The following RNF144A variants were observed in gnomAD, a reference collection of about 807,000 sequenced individuals.
RNF144A encodes ring finger protein 144A.
RNF144A carries 11 observed loss-of-function variants against 38.7 expected under a neutral mutation model. The ratio of observed to expected loss-of-function variants is 0.28; its 90% CI spans 0.18 to 0.47. The LOEUF (loss-of-function observed/expected upper bound fraction) is 0.47, where lower values mean the gene tolerates loss of function less well. Among genes scored for constraint, RNF144A ranks in the 20% least tolerant of loss-of-function variants. The pLI is 0.99. For synonymous variants in RNF144A, 149 were observed against 143.9 expected (o/e 1.04, Z -0.25); for missense variants, 316 against 377.2 (o/e 0.84, Z 1.34).
chr2:7,012,337 C>T (rs775060295), intron 3 of RNF144A, among the ~76,000 whole-genome samples: 3 of 152,262 alleles, frequency 2.0e-5, no homozygotes, highest in Admixed American at 6.5e-5. Flanking sequence ...GTCACAACAG[C>T]GCAGGAAGAT....
chr2:6,963,901 T>C (rs1667491313), intron 2 of RNF144A, among the ~76,000 whole-genome samples: 1 of 152,134 alleles, frequency 6.6e-6, no homozygotes, highest in African/African-American at 2.4e-5. Flanking sequence ...GCCATCCTTC[T>C]GGCAGCTGTG....
At chr2:7,052,506 G>C (rs144292615) in intron 6 of RNF144A, among the ~76,000 whole-genome samples, 49 of 152,294 alleles carry the variant, frequency 3.2e-4, no homozygotes, top group African/African-American at 1.1e-3. Flanking sequence ...CATTGTGTTG[G>C]CTAGTGCCTC....
intron 5 of RNF144A, among the ~76,000 whole-genome samples, chr2:7,016,797 G>A (rs762762849): frequency 3.3e-5 from 5 of 151,984 alleles, no homozygotes; most frequent in Non-Finnish European, 5.9e-5. Flanking sequence ...AGTAGAGGAC[G>A]CCCTGGAAGA....
chr2:7,007,468 A>C (rs1192810968), intron 3 of RNF144A, among the ~76,000 whole-genome samples: 1 of 152,254 alleles, frequency 6.6e-6, no homozygotes, highest in East Asian at 1.9e-4. Context: ...CCTTCTGTCC[A>C]GGTCTTAAAT....
chr2:7,075,644 G>A, the RNF144A span, among the ~76,000 whole-genome samples: 32 of 152,286 alleles, frequency 2.1e-4, 1 homozygote, highest in African/African-American at 6.5e-4. Context: ...GTTCTCACCA[G>A]ATGCAGCCAC....
At chr2:7,039,480 C>T (rs1229954432) in intron 8 of RNF144A, 149 bp from the exon 9 acceptor site, 5 of 1,367,018 alleles carry the variant, frequency 3.7e-6, no homozygotes, top group Non-Finnish European at 5.0e-6. Context: ...TAGATGATGA[C>T]TAGATGGGTA....
At chr2:6,986,618 G>A (rs917557067) in intron 2 of RNF144A, among the ~76,000 whole-genome samples, 1 of 152,156 alleles carries the variant, frequency 6.6e-6, no homozygotes, top group Non-Finnish European at 1.5e-5. Flanking sequence ...CAGGGAACCC[G>A]GTGGCCCACT....
At chr2:7,050,069 T>C (rs1207929869) in intron 6 of RNF144A, among the ~76,000 whole-genome samples, 1 of 152,206 alleles carries the variant, frequency 6.6e-6, no homozygotes, top group African/African-American at 2.4e-5. Flanking sequence ...GAAGAACTGT[T>C]TGCCTTTCCC....
chr2:7,030,051 C>T, intron 7 of RNF144A, 75 bp from the exon 8 acceptor site: 2 of 993,656 alleles, frequency 2.0e-6, no homozygotes, highest in Non-Finnish European at 3.2e-6. Context: ...AGAAGAAATG[C>T]ATCAATGGCT....
Position 7,043,183 on chromosome 2 carries a change from G to A in RNF144A, c.*3423G>A. 1.0e-6 allele frequency: 1 copy of A among 985,360 alleles called. No individual in the cohort carries two copies. The allele number at this position is 985,360 out of a possible 1,614,324, so 61.0% of individuals were successfully genotyped here. A position where few individuals can be genotyped will look rare whatever the true frequency, so the allele number is the denominator to read the frequency against. ...CCACCCGGCCTATTTTCTTAAAGGG[G>A]AACAAATGATCTTGACAACATATTA... is the stretch of plus-strand genomic sequence containing the variant. On this transcript the variant is annotated 3_prime_UTR_variant, in exon 9 of 9. Transcript: ENST00000320892.
intron 1 of RNF144A, among the ~76,000 whole-genome samples, chr2:6,929,965 G>GA (rs1269279700): frequency 6.6e-6 from 1 of 152,206 alleles, no homozygotes; most frequent in Non-Finnish European, 1.5e-5. Context: ...TCAGCAGAAA[G>GA]AATGAATTTC....
At chr2:6,932,022 A>G (rs763847867) in intron 1 of RNF144A, among the ~76,000 whole-genome samples, 1 of 152,220 alleles carries the variant, frequency 6.6e-6, no homozygotes, top group Non-Finnish European at 1.5e-5. Flanking sequence ...GTTAAAGTCT[A>G]CAGCTATTAG....
intron 3 of RNF144A, among the ~76,000 whole-genome samples, chr2:6,999,115 T>C (rs963248472): frequency 9.2e-5 from 14 of 152,206 alleles, no homozygotes; most frequent in Non-Finnish European, 1.8e-4. Context: ...AGTCAGTGGA[T>C]GTGAAGGAAG....
intron 1 of RNF144A, among the ~76,000 whole-genome samples, chr2:6,919,638 C>T (rs866369784): frequency 1.3e-5 from 2 of 152,132 alleles, no homozygotes; most frequent in Non-Finnish European, 1.5e-5. Flanking sequence ...CCGAGTCAGA[C>T]CCCCACTGGC....
intron 1 of RNF144A, among the ~76,000 whole-genome samples, chr2:6,928,127 G>A (rs1232259668): frequency 1.3e-5 from 2 of 152,222 alleles, no homozygotes; most frequent in Non-Finnish European, 2.9e-5. Context: ...CTTCTTTGTA[G>A]CCTGTATTAT....
Position 7,041,593 on chromosome 2 carries a change from G to C in RNF144A, c.*1833G>C. Reference sequence around the variant, plus strand: ...TGTTAGAATAGCTTTTCTGGAGGTGGGTGGCAACTCCACGCGGGAGTCATT... The same window carrying C: ...TGTTAGAATAGCTTTTCTGGAGGTGCGTGGCAACTCCACGCGGGAGTCATT... On this transcript the variant is annotated 3_prime_UTR_variant, in exon 9 of 9. Coordinates refer to ENST00000320892, the MANE Select transcript of RNF144A (RefSeq NM_014746.6). The C allele has an allele frequency of 1.0e-6, 1 of 985,912 alleles. No homozygotes were observed. The highest frequency in any genetic ancestry group is 1.2e-6 in the Non-Finnish European group (1 of 829,980). 61.1% of individuals were successfully genotyped at this position (985,912 alleles called of 1,614,324 possible).
intron 2 of RNF144A, among the ~76,000 whole-genome samples, chr2:6,947,937 G>A (rs977452783): frequency 1.3e-5 from 2 of 152,226 alleles, no homozygotes; most frequent in South Asian, 4.1e-4. Context: ...TGTTCATAAC[G>A]TGTGATCAAC....
At chr2:6,995,571 G>A (rs1340603261) in intron 2 of RNF144A, among the ~76,000 whole-genome samples, 2 of 152,296 alleles carry the variant, frequency 1.3e-5, no homozygotes, top group Admixed American at 6.5e-5. Context: ...TGTGGTCGAA[G>A]GGCCAGGAGT....
At chr2:7,014,377 T>A in intron 3 of RNF144A, 77 bp from the exon 4 acceptor site, 1 of 960,694 alleles carries the variant, frequency 1.0e-6, no homozygotes, top group Non-Finnish European at 1.7e-6. Context: ...TGCCTGGTCC[T>A]TTTTTTAATG....
Sources: gnomAD v4.1 joint callset for allele counts (sites outside exome capture counted in the v4.1 genomes callset) on GRCh38, gnomAD v4.1.1 for gene constraint, MANE v1.5 for transcripts, NCBI Gene and HGNC (gene_info 2026-07-23, HGNC 2026-07-21) for gene names.